Variants in KDM2A observed in about 807,000 individuals in gnomAD.
KDM2A encodes the protein lysine demethylase 2A, also known as lysine-specific demethylase 2A.
In KDM2A, 3 loss-of-function variants were observed where a neutral mutation model predicts 137.3. That is an observed-to-expected ratio of 0.02 (90% CI 0.01 to 0.06). The LOEUF is 0.06. Ranked by LOEUF, KDM2A falls within the 10% of genes least tolerant of loss-of-function variation. The pLI, the probability that KDM2A is intolerant of heterozygous loss-of-function variation, is 1.00. For synonymous variants in KDM2A, 512 were observed against 541.5 expected, an observed-to-expected ratio of 0.95 and a Z score of 0.76; for missense variants, 738 against 1,510.6, an observed-to-expected ratio of 0.49 and a Z score of 8.48.
intron 12 of KDM2A, among the ~76,000 whole-genome samples, chr11:67,233,429 A>G (rs1295029535): frequency 2.2e-5 from 3 of 138,378 alleles, no homozygotes; most frequent in African/African-American, 8.3e-5. Flanking sequence ...CGAGGCAGGT[A>G]GATCACGAGG....
intron 2 of KDM2A, among the ~76,000 whole-genome samples, chr11:67,154,950 A>C (rs529421617): frequency 2.0e-4 from 31 of 152,314 alleles, no homozygotes; most frequent in Non-Finnish European, 4.3e-4. Context: ...TCTACCTTTT[A>C]GCTACTGTGA....
At position 67,198,800 on chromosome 11, in the gene KDM2A, AC is replaced by A. The variant is rs567686050; in HGVS notation, c.308-8709del. Among the ~76,000 whole-genome samples the A allele has an allele frequency of 4.0e-3, 579 of 143,282 alleles. 1 individual carries two copies. Among genetic ancestry groups the A allele is most frequent in the Non-Finnish European group, 6.8e-3 (449 of 65,650 alleles). The allele number at this position is 143,282 out of a possible 152,430, so 94.0% of individuals were successfully genotyped here. On this transcript the variant is annotated intron_variant, in intron 5 of 20. Transcript: ENST00000529006. The stretch of plus-strand genomic sequence containing the variant: ...TTTGTTTTGTTTTGTTTTGTTTTTG[AC>A]GGAGTCTCACTCTGTTGCCCAGGCT...
intron 5 of KDM2A, among the ~76,000 whole-genome samples, chr11:67,190,181 G>A (rs548566062): frequency 2.2e-4 from 33 of 152,238 alleles, no homozygotes; most frequent in African/African-American, 7.7e-4. Context: ...AGGCCGAGGC[G>A]GGTGGATCAC....
intron 2 of KDM2A, among the ~76,000 whole-genome samples, chr11:67,145,281 T>C (rs1411931542): frequency 6.6e-6 from 1 of 151,174 alleles, no homozygotes; most frequent in Admixed American, 6.6e-5. Flanking sequence ...GGTCAGGAGT[T>C]CGAGACCAGT....
intron 15 of KDM2A, among the ~76,000 whole-genome samples, chr11:67,247,445 T>TA (rs1555100560): frequency 4.7e-4 from 70 of 147,900 alleles, no homozygotes; most frequent in African/African-American, 1.8e-3. Flanking sequence ...TTTTTTTTTT[T>TA]AAGACATGGT....
In KDM2A at chr11:67,245,781, T is replaced by C. The variant is rs928235516; in HGVS notation, c.1834-204T>C. On this transcript the variant is annotated intron_variant, in intron 14 of 20. Transcript: ENST00000529006. The surrounding 1 kb of genome is among the most constrained non-coding windows in gnomAD (Gnocchi z 4.1). ...TATAGGCCAACTGAAAATAAACTAG[T>C]CTCTGGTGCCCAGGTGGTTGAGTCC... 6.4e-6 allele frequency: 4 copies of C among 629,358 alleles called. No individual in the cohort carries two copies. Among genetic ancestry groups the C allele is most frequent in the South Asian group, 2.1e-5 (1 of 48,160 alleles). 39.0% of individuals were successfully genotyped at this position (629,358 alleles called of 1,614,324 possible). A position where few individuals can be genotyped will look rare whatever the true frequency, so the allele number is the denominator to read the frequency against.
At chr11:67,159,924 G>A (rs186299399) in intron 2 of KDM2A, among the ~76,000 whole-genome samples, 39 of 152,226 alleles carry the variant, frequency 2.6e-4, no homozygotes, top group Admixed American at 6.5e-4. Flanking sequence ...GAAAAAATTC[G>A]GGAGATGGAT....
chr11:67,178,088 A>T (rs1857009168), intron 2 of KDM2A, among the ~76,000 whole-genome samples: 1 of 152,210 alleles, frequency 6.6e-6, no homozygotes, highest in South Asian at 2.1e-4. Flanking sequence ...TAGAATTCTC[A>T]TACCATACAG....
At chr11:67,174,401 C>G (rs1254022129) in intron 2 of KDM2A, among the ~76,000 whole-genome samples, 2 of 152,136 alleles carry the variant, frequency 1.3e-5, no homozygotes, top group Admixed American at 6.6e-5. Context: ...TGCTTTTTTA[C>G]TTTTTAAATG....
In KDM2A at chr11:67,189,513, C is replaced by G. The variant is rs559935673; in HGVS notation, c.307+7621C>G. On this transcript the variant is annotated intron_variant, in intron 5 of 20. Coordinates refer to ENST00000529006, the MANE Select transcript of KDM2A (RefSeq NM_012308.3). ...CTGAGGCAGGAGGATTGCTTGAGCC[C>G]AGGATTTTGAGGCCAGCTTGGGCAA... 2.6e-5 allele frequency among the ~76,000 whole-genome samples: 4 copies of G among 151,532 alleles called. No homozygotes were observed. The South Asian group carries it at 6.3e-4, about 24-fold the overall frequency.
At chr11:67,149,552 C>CTTA (rs1856335778) in intron 2 of KDM2A, among the ~76,000 whole-genome samples, 1 of 151,968 alleles carries the variant, frequency 6.6e-6, no homozygotes, top group Admixed American at 6.6e-5. Context: ...CCTTAGCCAC[C>CTTA]TTAATCCTAA....
At position 67,255,343 on chromosome 11, in the gene KDM2A, C is replaced by T. The variant is rs766233886; in HGVS notation, c.*288C>T. On this transcript the variant is annotated 3_prime_UTR_variant, in exon 21 of 21. Transcript: ENST00000529006. The stretch of plus-strand genomic sequence containing the variant: ...CTCGCTTACTCGCCTGCCAGGAGGC[C>T]GGGCTCTCAGTTTGGGGTGTTTGTG... The T allele has an allele frequency of 4.9e-5, 23 of 470,560 alleles. No homozygotes were observed. The highest frequency in any genetic ancestry group is 1.1e-4 in the South Asian group (6 of 52,224). The allele number at this position is 470,560 out of a possible 1,614,324, so 29.1% of individuals were successfully genotyped here.
chr11:67,187,151 A>G (rs1412766434), intron 5 of KDM2A, among the ~76,000 whole-genome samples: 1 of 152,236 alleles, frequency 6.6e-6, no homozygotes, highest in African/African-American at 2.4e-5. Flanking sequence ...GATCTATAGT[A>G]TATATACAGA....
At chr11:67,178,954 T>G (rs1857028033) in intron 2 of KDM2A, among the ~76,000 whole-genome samples, 2 of 152,246 alleles carry the variant, frequency 1.3e-5, no homozygotes, top group South Asian at 4.1e-4. Flanking sequence ...TAACTTTGTT[T>G]AACTTTTTGA....
chr11:67,198,562 T>C (rs994516511), intron 5 of KDM2A, among the ~76,000 whole-genome samples: 1 of 151,858 alleles, frequency 6.6e-6, no homozygotes, highest in Middle Eastern at 3.4e-3. Flanking sequence ...CACAAAAAAT[T>C]AGCTGGGCGC....
intron 12 of KDM2A, among the ~76,000 whole-genome samples, chr11:67,232,231 T>C (rs1740747715): frequency 6.6e-6 from 1 of 152,188 alleles, no homozygotes; most frequent in South Asian, 2.1e-4. Flanking sequence ...AAAAATAAAG[T>C]GACCCAAAGA....
Position 67,256,910 on chromosome 11 carries a change from A to T in KDM2A, c.*1855A>T, listed in dbSNP as rs1188585708. The stretch of plus-strand genomic sequence containing the variant: ...TTCCATTGGTCTCCAGGCCCCAATA[A>T]TCTGGGGTTGAAACTTTGAGGAAAT... On this transcript the variant is annotated 3_prime_UTR_variant, in exon 21 of 21. Transcript: ENST00000529006. The T allele has an allele frequency of 6.6e-6, 1 of 152,626 alleles. No individual in the cohort carries two copies. The highest frequency in any genetic ancestry group is 2.4e-5 in the African/African-American group (1 of 41,424). 9.5% of individuals were successfully genotyped at this position (152,626 alleles called of 1,614,324 possible).
intron 11 of KDM2A, 58 bp downstream of exon 11, chr11:67,228,221 C>G (rs555313679): frequency 4.5e-6 from 7 of 1,558,390 alleles, no homozygotes; most frequent in Middle Eastern, 1.7e-4. Context: ...GGGTGAGGCC[C>G]GAAATACTCA....
At position 67,178,717 on chromosome 11, in the gene KDM2A, G is replaced by A. The variant is rs530959280; in HGVS notation, c.43-1362G>A. Among the ~76,000 whole-genome samples, 177 of 152,188 alleles carry A rather than the reference G, an allele frequency of 1.2e-3. 1 individual carries two copies. The highest frequency in any genetic ancestry group is 4.3e-3 in the Admixed American group (65 of 15,280). On this transcript the variant is annotated intron_variant, in intron 2 of 20. Coordinates refer to ENST00000529006, the MANE Select transcript of KDM2A (RefSeq NM_012308.3). ...GTTTATCTATGTCATGGCACATAGC[G>A]TTATTTCATTCCTTTTTGTGGTTAA...
Sources: allele counts gnomAD v4.1 joint callset (sites outside exome capture counted in the v4.1 genomes callset), GRCh38; gene constraint gnomAD v4.1.1; non-coding constraint Gnocchi (gnomAD v3.1); transcripts MANE v1.5; gene names NCBI Gene and HGNC (gene_info 2026-07-23, HGNC 2026-07-21).